Variants in TEX9 observed in about 807,000 individuals in gnomAD.
The protein encoded by TEX9 is testis-expressed protein 9.
TEX9 carries 74 observed loss-of-function variants against 59.6 expected under a neutral mutation model. The ratio of observed to expected loss-of-function variants is 1.24; its 90% confidence interval spans 1.03 to 1.51. TEX9 has a LOEUF of 1.51. Among genes scored for constraint, TEX9 ranks in the 40% most tolerant of loss-of-function variants. TEX9 has a pLI of 0.00. For synonymous variants in TEX9, 186 were observed against 152.2 expected (o/e 1.22, Z -1.64); for missense variants, 522 against 447.8 (o/e 1.17, Z -1.49).
At chr15:56,429,021 A>G (rs980664332) in intron 12 of TEX9, 32 of 798,698 alleles carry the variant, frequency 4.0e-5, no homozygotes, top group Non-Finnish European at 5.9e-5. Context: ...ACCTAATGCC[A>G]CTGAACTGTA....
chr15:56,362,429 G>C (rs1302465866), upstream of TEX9, among the ~76,000 whole-genome samples: 1 of 152,114 alleles, frequency 6.6e-6, no homozygotes, highest in Non-Finnish European at 1.5e-5. Context: ...TCCTTGTTCT[G>C]ATGTCATCTT....
intron 1 of TEX9, among the ~76,000 whole-genome samples, chr15:56,252,121 T>C (rs2044036211): frequency 6.6e-6 from 1 of 152,132 alleles, no homozygotes; most frequent in African/African-American, 2.4e-5. Flanking sequence ...CCCAGCCAGT[T>C]TGTGTTAGCT....
chr15:56,410,842 C>G (rs750025679), intron 9 of TEX9, among the ~76,000 whole-genome samples: 7 of 152,194 alleles, frequency 4.6e-5, no homozygotes, highest in Non-Finnish European at 7.3e-5. Flanking sequence ...GAATCTTTGC[C>G]TTTTCTATGT....
At chr15:56,372,319 C>A (rs112812141) in intron 2 of TEX9, among the ~76,000 whole-genome samples, 15 of 152,108 alleles carry the variant, frequency 9.9e-5, no homozygotes, top group South Asian at 2.1e-4. Context: ...AATCTCCCCC[C>A]CTTTTTTTTT....
In TEX9 at chr15:56,404,480, A is replaced by T. The variant is rs532319214; in HGVS notation, c.829-7822A>T. Among the ~76,000 whole-genome samples the T allele has an allele frequency of 9.2e-5, 14 of 152,314 alleles. 1 individual carries two copies. The highest frequency in any genetic ancestry group is 1.6e-4 in the Non-Finnish European group (11 of 68,028). On this transcript the variant is annotated intron_variant, in intron 9 of 12. Coordinates refer to ENST00000352903, the Ensembl canonical transcript of TEX9. Reference sequence around the variant, plus strand: ...AATGGCAATCATTAAAAAGTTAGCAAACAACAGATGGTGGAGAGGATGTGG... The same window carrying T: ...AATGGCAATCATTAAAAAGTTAGCATACAACAGATGGTGGAGAGGATGTGG...
At chr15:56,309,555 G>T (rs2045557220) in intron 1 of TEX9, among the ~76,000 whole-genome samples, 2 of 152,026 alleles carry the variant, frequency 1.3e-5, no homozygotes, top group Non-Finnish European at 2.9e-5. Flanking sequence ...TTTTGGTATG[G>T]TGGTAATGAA....
chr15:56,293,122 C>T (rs1697060963), intron 1 of TEX9, among the ~76,000 whole-genome samples: 2 of 152,002 alleles, frequency 1.3e-5, no homozygotes, highest in African/African-American at 4.8e-5. Context: ...ATCACTTGAG[C>T]CCAGGAGTTT....
chr15:56,371,258 G>C (rs1163198330), intron 2 of TEX9, among the ~76,000 whole-genome samples: 1 of 152,114 alleles, frequency 6.6e-6, no homozygotes, highest in African/African-American at 2.4e-5. Context: ...GTATCTCCTT[G>C]TAGGTGATTT....
At position 56,378,341 on chromosome 15, in the gene TEX9, A is replaced by G. The variant is rs186346044; in HGVS notation, c.183+4837A>G. ...CGATAGAATTCGCAGTGCAGCCATC[A>G]GGTCCTGGGCTTTTCTTTACTGGGA... On this transcript the variant is annotated intron_variant, in intron 3 of 12. Transcript: ENST00000352903. 2.2e-3 allele frequency among the ~76,000 whole-genome samples: 336 copies of G among 152,132 alleles called. 1 individual carries two copies. The highest frequency in any genetic ancestry group is 0.015 in the East Asian group (76 of 5,170).
intron 10 of TEX9, among the ~76,000 whole-genome samples, chr15:56,415,620 C>A (rs1196216834): frequency 6.6e-6 from 1 of 151,574 alleles, no homozygotes; most frequent in Non-Finnish European, 1.5e-5. Flanking sequence ...TGTTTTTGTA[C>A]CATGTGCTGT....
intron 10 of TEX9, among the ~76,000 whole-genome samples, chr15:56,426,715 G>T (rs1167849398): frequency 6.7e-6 from 1 of 148,880 alleles, no homozygotes; most frequent in African/African-American, 2.5e-5. Flanking sequence ...TTATGTGTGT[G>T]TACAGAGATT....
intron 9 of TEX9, among the ~76,000 whole-genome samples, chr15:56,400,599 G>T (rs2048720648): frequency 6.6e-6 from 1 of 152,158 alleles, no homozygotes; most frequent in Non-Finnish European, 1.5e-5. Context: ...AACCTAGCAA[G>T]ACAGGACAAC....
intron 3 of TEX9, among the ~76,000 whole-genome samples, chr15:56,380,357 T>A (rs1466496697): frequency 1.3e-5 from 2 of 152,234 alleles, no homozygotes; most frequent in Non-Finnish European, 2.9e-5. Flanking sequence ...TTACTGTTTC[T>A]GTCTTACTGT....
chr15:56,381,876 T>G (rs2047743177), intron 3 of TEX9, among the ~76,000 whole-genome samples: 1 of 152,184 alleles, frequency 6.6e-6, no homozygotes, highest in Admixed American at 6.5e-5. Context: ...CTATGTTCAC[T>G]CAAGGCCCTA....
intron 1 of TEX9, among the ~76,000 whole-genome samples, chr15:56,273,449 A>G (rs1416723065): frequency 2.0e-5 from 3 of 152,174 alleles, no homozygotes; most frequent in African/African-American, 4.8e-5. Context: ...CTGTTGTTCT[A>G]TCATTTTCTT....
chr15:56,446,950 A>G, downstream of TEX9: 2 of 1,584,124 alleles, frequency 1.3e-6, no homozygotes, highest in Non-Finnish European at 1.7e-6. Context: ...AATGCTGTTT[A>G]AAAAAACAAA....
intron 1 of TEX9, among the ~76,000 whole-genome samples, chr15:56,312,086 T>C (rs1242518286): frequency 6.7e-6 from 1 of 150,304 alleles, no homozygotes; most frequent in African/African-American, 2.4e-5. Flanking sequence ...TTCTCCCATT[T>C]TGTAGGTTGC....
At chr15:56,358,905 C>CTT (rs2046739443) in intron 1 of TEX9, among the ~76,000 whole-genome samples, 1 of 152,076 alleles carries the variant, frequency 6.6e-6, no homozygotes, top group Non-Finnish European at 1.5e-5. Flanking sequence ...CCTGCCGCCA[C>CTT]GTAAGACATG....
At chr15:56,320,652 G>A (rs1409276430) in intron 1 of TEX9, among the ~76,000 whole-genome samples, 1 of 152,162 alleles carries the variant, frequency 6.6e-6, no homozygotes, top group Non-Finnish European at 1.5e-5. Context: ...TCCCTCCAGA[G>A]CTGTGGAGAT....
Sources: gnomAD v4.1 joint callset for allele counts (sites outside exome capture counted in the v4.1 genomes callset) on GRCh38, gnomAD v4.1.1 for gene constraint, MANE v1.5 for transcripts, NCBI Gene and HGNC (gene_info 2026-07-23, HGNC 2026-07-21) for gene names.